Variants in PHF24 observed in about 807,000 individuals in gnomAD.
PHF24 encodes the protein PHD finger protein 24, also known as Galpha inhibitory interacting protein.
Under a neutral mutation model 42.6 loss-of-function variants are expected in PHF24, and 25 were observed. That is an observed-to-expected ratio of 0.59 (90% CI 0.43 to 0.82). The LOEUF is 0.82. Ranked by LOEUF, PHF24 falls within the 40% of genes least tolerant of loss-of-function variation. The probability of loss-of-function intolerance (pLI) is 0.00; values close to 1 mark genes in which losing one functional copy is unlikely to be tolerated. For synonymous variants in PHF24, 185 were observed against 204.8 expected, an observed-to-expected ratio of 0.90 and a Z score of 0.83; for missense variants, 470 against 538.1, an observed-to-expected ratio of 0.87 and a Z score of 1.25.
chr9:34,725,144 G>C, the PHF24 span: 46 of 1,545,296 alleles, frequency 3.0e-5, no homozygotes, highest in African/African-American at 5.8e-4. Context: ...GCAGTCCCAG[G>C]ACCTGTGTAC....
At chr9:34,670,222 G>A in the PHF24 span, among the ~76,000 whole-genome samples, 1 of 152,168 alleles carries the variant, frequency 6.6e-6, no homozygotes, top group Admixed American at 6.5e-5. Flanking sequence ...ATTAAACACA[G>A]CACTTTCCTG....
the PHF24 span, among the ~76,000 whole-genome samples, chr9:34,950,176 C>T: frequency 2.0e-5 from 3 of 151,508 alleles, no homozygotes; most frequent in East Asian, 3.9e-4. Flanking sequence ...GGTGAAACCC[C>T]GTCTCTACTA....
At chr9:34,851,984 G>C in the PHF24 span, among the ~76,000 whole-genome samples, 1 of 152,104 alleles carries the variant, frequency 6.6e-6, no homozygotes, top group Non-Finnish European at 1.5e-5. Context: ...GAGTAACACA[G>C]TTTCGAACTG....
the PHF24 span, among the ~76,000 whole-genome samples, chr9:34,698,715 G>A: frequency 1.3e-5 from 2 of 152,224 alleles, no homozygotes; most frequent in African/African-American, 4.8e-5. Context: ...CCTGACCTCC[G>A]GTGATCCACC....
chr9:34,683,901 T>C, the PHF24 span, among the ~76,000 whole-genome samples: 1 of 152,304 alleles, frequency 6.6e-6, no homozygotes, highest in South Asian at 2.1e-4. Flanking sequence ...TGTCTGGACA[T>C]AAGCATTGTC....
the PHF24 span, among the ~76,000 whole-genome samples, chr9:34,869,643 TAC>T: frequency 6.6e-6 from 1 of 151,628 alleles, no homozygotes; most frequent in Non-Finnish European, 1.5e-5. Flanking sequence ...GTGTTTTGTA[TAC>T]ACACACACAC....
the PHF24 span, among the ~76,000 whole-genome samples, chr9:34,935,971 T>A: frequency 6.6e-5 from 10 of 151,234 alleles, no homozygotes. Flanking sequence ...CCGTGCCAAG[T>A]ATCTAGGGTG....
the PHF24 span, among the ~76,000 whole-genome samples, chr9:34,737,971 C>G: frequency 7.5e-6 from 1 of 132,902 alleles, no homozygotes; most frequent in Non-Finnish European, 1.6e-5. Context: ...TTTTTTTTTT[C>G]CTCAGGATAC....
chr9:34,714,507 C>A, the PHF24 span, among the ~76,000 whole-genome samples: 1 of 152,202 alleles, frequency 6.6e-6, no homozygotes, highest in African/African-American at 2.4e-5. Flanking sequence ...AGAAGCAACA[C>A]GCCAGACCGC....
chr9:34,714,841 C>T, the PHF24 span, among the ~76,000 whole-genome samples: 1 of 152,292 alleles, frequency 6.6e-6, no homozygotes, highest in East Asian at 1.9e-4. Flanking sequence ...TGCTTTCTCT[C>T]CAAGATACCT....
At chr9:34,709,735 AC>A in the PHF24 span, 1 of 1,594,826 alleles carries the variant, frequency 6.3e-7, no homozygotes, top group Non-Finnish European at 8.6e-7. Flanking sequence ...TGCCCTCCCC[AC>A]CCCGTCACCA....
At chr9:34,744,888 C>T in the PHF24 span, among the ~76,000 whole-genome samples, 1 of 151,878 alleles carries the variant, frequency 6.6e-6, no homozygotes, top group African/African-American at 2.4e-5. Context: ...AAAAAAAATC[C>T]AGGTCCATGA....
the PHF24 span, among the ~76,000 whole-genome samples, chr9:34,670,086 G>A: frequency 5.9e-5 from 9 of 152,296 alleles, no homozygotes; most frequent in African/African-American, 2.2e-4. Flanking sequence ...GTCCCAGGAG[G>A]CTGATGCACC....
At chr9:34,777,992 C>T in the PHF24 span, among the ~76,000 whole-genome samples, 1 of 152,204 alleles carries the variant, frequency 6.6e-6, no homozygotes, top group African/African-American at 2.4e-5. Context: ...CTCACTTACC[C>T]TTTCCCCACA....
chr9:34,674,315 A>T, the PHF24 span, among the ~76,000 whole-genome samples: 2 of 152,190 alleles, frequency 1.3e-5, no homozygotes, highest in South Asian at 4.1e-4. Flanking sequence ...CGTCCATCCC[A>T]TCCATTTATT....
chr9:34,884,672 T>G, the PHF24 span, among the ~76,000 whole-genome samples: 3 of 152,196 alleles, frequency 2.0e-5, no homozygotes, highest in Non-Finnish European at 2.9e-5. Context: ...TGGAGATAAC[T>G]GAGCCCTTGT....
At chr9:34,853,535 T>C in the PHF24 span, among the ~76,000 whole-genome samples, 1 of 152,114 alleles carries the variant, frequency 6.6e-6, no homozygotes, top group Non-Finnish European at 1.5e-5. Context: ...TCAATAGAAA[T>C]GGCACCAGCT....
the PHF24 span, among the ~76,000 whole-genome samples, chr9:34,696,226 G>A: frequency 1.3e-5 from 2 of 152,060 alleles, no homozygotes; most frequent in Non-Finnish European, 2.9e-5. Flanking sequence ...AGTGGCTCAC[G>A]CCTGTAATCC....
chr9:34,833,013 A>G, the PHF24 span: 13 of 1,551,500 alleles, frequency 8.4e-6, no homozygotes, highest in Middle Eastern at 1.7e-4. Context: ...CTCCATCGCC[A>G]GGACCCTCGG....
Sources: allele counts gnomAD v4.1 joint callset (sites outside exome capture counted in the v4.1 genomes callset), GRCh38; gene constraint gnomAD v4.1.1; transcripts MANE v1.5; gene names NCBI Gene and HGNC (gene_info 2026-07-23, HGNC 2026-07-21).